Variants in ANXA10 observed in about 807,000 individuals in gnomAD.
ANXA10 encodes annexin 14.
Under a neutral mutation model 53.5 loss-of-function variants are expected in ANXA10, and 49 were observed. That is an observed-to-expected ratio of 0.92 (90% CI 0.73 to 1.16). The LOEUF is 1.16. Ranked by LOEUF, ANXA10 falls within the 50% of genes most tolerant of loss-of-function variation. The pLI, the probability that ANXA10 is intolerant of heterozygous loss-of-function variation, is 0.00. For missense variants in ANXA10, 393 were observed against 394.4 expected (o/e 1.00, Z 0.03); for synonymous variants, 131 against 128.9 (o/e 1.02, Z -0.11).
intron 1 of ANXA10, among the ~76,000 whole-genome samples, chr4:168,120,065 G>C (rs578011778): frequency 2.6e-5 from 4 of 152,074 alleles, no homozygotes; most frequent in Non-Finnish European, 5.9e-5. Flanking sequence ...GAGAAATACA[G>C]TTTTGCAATA....
chr4:168,094,679 G>T (rs1326350566), intron 1 of ANXA10, among the ~76,000 whole-genome samples: 3 of 151,844 alleles, frequency 2.0e-5, no homozygotes, highest in African/African-American at 7.3e-5. Context: ...ATATAAAAGG[G>T]TTACCATTTT....
intron 6 of ANXA10, among the ~76,000 whole-genome samples, chr4:168,175,889 T>TTA (rs749938730): frequency 2.6e-5 from 4 of 152,210 alleles, no homozygotes; most frequent in African/African-American, 9.7e-5. Context: ...TAAATTGCAC[T>TTA]TTCTCATATG....
chr4:168,184,869 C>T (rs1732335539), intron 11 of ANXA10, among the ~76,000 whole-genome samples, 188 bp downstream of exon 11: 1 of 152,140 alleles, frequency 6.6e-6, no homozygotes. Flanking sequence ...AAACCCTTTA[C>T]CTCAGCTGGG....
At chr4:168,154,718 A>T (rs549227875) in intron 3 of ANXA10, among the ~76,000 whole-genome samples, 1 of 152,144 alleles carries the variant, frequency 6.6e-6, no homozygotes, top group Non-Finnish European at 1.5e-5. Flanking sequence ...TGCTATGTTC[A>T]TCACTTTGGT....
At chr4:168,186,300 GA>G (rs1732368944) in intron 11 of ANXA10, among the ~76,000 whole-genome samples, 1 of 152,120 alleles carries the variant, frequency 6.6e-6, no homozygotes, top group Non-Finnish European at 1.5e-5. Flanking sequence ...ACCATTACAA[GA>G]AAATTAAAAC....
intron 1 of ANXA10, among the ~76,000 whole-genome samples, chr4:168,108,253 A>C (rs982492008): frequency 6.6e-6 from 1 of 152,050 alleles, no homozygotes; most frequent in Non-Finnish European, 1.5e-5. Flanking sequence ...TTTATGACCT[A>C]TATCTTGTGC....
At chr4:168,095,578 C>A (rs10212811) in intron 1 of ANXA10, among the ~76,000 whole-genome samples, 2,043 of 152,092 alleles carry the variant, frequency 0.013, 47 homozygotes, top group African/African-American at 0.046. Flanking sequence ...ATCTTCACAG[C>A]AAATTGTCCT....
chr4:168,115,597 T>A (rs1730881418), intron 1 of ANXA10, among the ~76,000 whole-genome samples: 1 of 152,078 alleles, frequency 6.6e-6, no homozygotes, highest in African/African-American at 2.4e-5. Context: ...AGAATTTTGT[T>A]TTTACTTGTA....
chr4:168,148,058 C>T (rs1015172140), intron 3 of ANXA10, among the ~76,000 whole-genome samples: 11 of 152,196 alleles, frequency 7.2e-5, no homozygotes, highest in African/African-American at 2.7e-4. Context: ...TCATTACTGA[C>T]CCCATGTGTT....
intron 6 of ANXA10, among the ~76,000 whole-genome samples, chr4:168,168,206 C>T (rs763500552): frequency 1.3e-5 from 2 of 152,104 alleles, no homozygotes; most frequent in Non-Finnish European, 2.9e-5. Context: ...TTAAGTTTAT[C>T]ATGTCTGTCT....
chr4:168,139,270 G>T (rs1731287931), intron 2 of ANXA10, among the ~76,000 whole-genome samples: 2 of 152,050 alleles, frequency 1.3e-5, no homozygotes, highest in African/African-American at 4.8e-5. Flanking sequence ...TTCCTTCAAT[G>T]CCTAGTTTAA....
intron 3 of ANXA10, among the ~76,000 whole-genome samples, chr4:168,154,552 T>A (rs1014995745): frequency 1.3e-5 from 2 of 152,166 alleles, no homozygotes; most frequent in African/African-American, 2.4e-5. Flanking sequence ...GAAGAGATGA[T>A]CATTTTAATT....
intron 1 of ANXA10, among the ~76,000 whole-genome samples, chr4:168,096,042 GCATTGGTTT>G (rs1730535189): frequency 6.6e-6 from 1 of 152,088 alleles, no homozygotes; most frequent in Non-Finnish European, 1.5e-5. Flanking sequence ...AAAAATAAAT[GCATTGGTTT>G]TTAGCAGTGG....
At chr4:168,092,818 T>C (rs1178664002) in intron 1 of ANXA10, 100 bp downstream of exon 1, 4 of 1,152,948 alleles carry the variant, frequency 3.5e-6, no homozygotes, top group African/African-American at 1.6e-5. Flanking sequence ...GAAAATGTTG[T>C]TCTAATTTGT....
intron 6 of ANXA10, 50 bp from the exon 7 acceptor site, chr4:168,177,690 G>A (rs1443873185): frequency 2.5e-6 from 4 of 1,569,652 alleles, no homozygotes; most frequent in Non-Finnish European, 3.5e-6. Flanking sequence ...AATCCAATAT[G>A]AGTTGCTGAC....
chr4:168,134,984 G>A (rs984961576), intron 2 of ANXA10, among the ~76,000 whole-genome samples: 1 of 152,126 alleles, frequency 6.6e-6, no homozygotes, highest in African/African-American at 2.4e-5. Flanking sequence ...TAACATTCTA[G>A]CTTTTCAATT....
At chr4:168,165,402 A>T in intron 6 of ANXA10, 76 bp downstream of exon 6, 1 of 780,028 alleles carries the variant, frequency 1.3e-6, no homozygotes, top group Non-Finnish European at 1.9e-6. Flanking sequence ...AAAAAAAAAA[A>T]AAAATAGAAC....
Position 168,179,307 on chromosome 4 carries a change from C to G in ANXA10, c.719C>G (p.Ala240Gly), listed in dbSNP as rs754934546. The change falls in exon 9 of 12, where the codon GCA becomes GGA. Residue 240 changes from alanine to glycine, a missense_variant. Ala to Gly is a moderately conservative substitution (Grantham distance 60). Transcript: ENST00000359299. The stretch of plus-strand genomic sequence containing the variant: ...GGATACTTTCAGGAGCTGCTGGTTG[C>G]AATTGGTAAGTAATAAATTATTTGA... ...YDGYFQELLV[A>G]IVLCVRDKPA... 3.1e-6 allele frequency: 5 copies of G among 1,601,750 alleles called. No individual in the cohort carries two copies. In the Admixed American group the frequency reaches 8.4e-5, roughly 27 times the overall value.
rs150508330 is a variant in ANXA10 at position 168,165,733 on chromosome 4, G to A, written c.480+407G>A. Among the ~76,000 whole-genome samples the A allele has an allele frequency of 2.0e-3, 303 of 152,154 alleles. 1 individual carries two copies. The highest frequency in any genetic ancestry group is 0.017 in the Middle Eastern group (5 of 294). ...GCTCTATCACCCAGGCTGGAGTGCA[G>A]TGGCATGATCTCAGCTCACTGCAAC... On this transcript the variant is annotated intron_variant, in intron 6 of 11. Coordinates refer to ENST00000359299, the MANE Select transcript of ANXA10 (RefSeq NM_007193.5).
Sources: gnomAD v4.1 joint callset for allele counts (sites outside exome capture counted in the v4.1 genomes callset) on GRCh38, gnomAD v4.1.1 for gene constraint, MANE v1.5 for transcripts, NCBI Gene and HGNC (gene_info 2026-07-23, HGNC 2026-07-21) for gene names.